NELL1: variants seen among roughly 807,000 people sequenced by gnomAD.
The protein encoded by NELL1 is protein kinase C-binding protein NELL1.
A neutral mutation model predicts 107.4 loss-of-function variants in NELL1; 76 were observed. That is an observed-to-expected ratio of 0.71 (90% CI 0.59 to 0.86). The LOEUF (loss-of-function observed/expected upper bound fraction) is 0.86. Among genes scored for constraint, NELL1 ranks in the 40% least tolerant of loss-of-function variants. The pLI is 0.00. For missense variants in NELL1, 1,024 were observed against 1,005.5 expected (o/e 1.02, Z -0.25); for synonymous variants, 353 against 341.2 (o/e 1.03, Z -0.38).
chr11:21,445,364 C>T (rs1168436948), intron 15 of NELL1, among the ~76,000 whole-genome samples: 2 of 132,290 alleles, frequency 1.5e-5, no homozygotes, highest in African/African-American at 2.5e-5. Flanking sequence ...TTCGCTCTTG[C>T]TGCCCAGGCT....
At chr11:21,062,318 C>T (rs1391458837) in intron 12 of NELL1, among the ~76,000 whole-genome samples, 1 of 152,090 alleles carries the variant, frequency 6.6e-6, no homozygotes, top group Non-Finnish European at 1.5e-5. Flanking sequence ...ACGGTGATTA[C>T]TGAAAAACTT....
At chr11:20,677,229 A>G (rs764039412) in intron 1 of NELL1, among the ~76,000 whole-genome samples, 6 of 152,192 alleles carry the variant, frequency 3.9e-5, no homozygotes, top group Non-Finnish European at 8.8e-5. Context: ...CAACAGGGAC[A>G]GGGTCCTTTT....
At chr11:21,560,511 T>A in intron 17 of NELL1, 129 bp downstream of exon 17, 1 of 759,746 alleles carries the variant, frequency 1.3e-6, no homozygotes, top group South Asian at 2.0e-5. Flanking sequence ...TGTTCTTATC[T>A]ACATTACAGC....
intron 14 of NELL1, among the ~76,000 whole-genome samples, chr11:21,355,993 C>T (rs942736850): frequency 6.6e-6 from 1 of 152,108 alleles, no homozygotes; most frequent in Non-Finnish European, 1.5e-5. Context: ...CTCTTTTCCC[C>T]TTTAGGTCTC....
At chr11:20,787,067 C>T (rs1355560347) in intron 3 of NELL1, among the ~76,000 whole-genome samples, 1 of 143,106 alleles carries the variant, frequency 7.0e-6, no homozygotes, top group Non-Finnish European at 1.5e-5. Flanking sequence ...GAGAGCCAAG[C>T]AGGCACCATG....
chr11:20,926,269 A>G (rs764318303), intron 7 of NELL1, among the ~76,000 whole-genome samples: 2 of 152,124 alleles, frequency 1.3e-5, no homozygotes, highest in Non-Finnish European at 2.9e-5. Flanking sequence ...ATATTTTTGA[A>G]GGTAAACTGG....
chr11:21,244,339 G>T (rs1268489196), intron 14 of NELL1, among the ~76,000 whole-genome samples: 2 of 152,020 alleles, frequency 1.3e-5, no homozygotes, highest in African/African-American at 4.8e-5. Context: ...ATGCTCTGCA[G>T]GCTCTCTTAC....
chr11:21,535,529 C>A (rs1856114608), intron 16 of NELL1, among the ~76,000 whole-genome samples: 1 of 152,110 alleles, frequency 6.6e-6, no homozygotes, highest in African/African-American at 2.4e-5. Context: ...GAACAATGGC[C>A]ACGTGGCATG....
intron 12 of NELL1, among the ~76,000 whole-genome samples, chr11:21,101,683 G>A (rs1439923867): frequency 6.6e-6 from 1 of 152,096 alleles, no homozygotes; most frequent in Non-Finnish European, 1.5e-5. Flanking sequence ...TTTTGATGGG[G>A]TTGTTTGTTT....
At chr11:21,423,981 G>C (rs1251781406) in intron 15 of NELL1, among the ~76,000 whole-genome samples, 2 of 152,162 alleles carry the variant, frequency 1.3e-5, no homozygotes, top group African/African-American at 4.8e-5. Flanking sequence ...AAAGCTAGGG[G>C]GAAAATTTAG....
chr11:21,473,882 G>A (rs541871035), intron 15 of NELL1, among the ~76,000 whole-genome samples: 1 of 151,922 alleles, frequency 6.6e-6, no homozygotes, highest in African/African-American at 2.4e-5. Flanking sequence ...AAGTCTTTAG[G>A]TTCCAACAGA....
chr11:21,504,193 G>A (rs553395133), intron 15 of NELL1: 10 of 152,292 alleles, frequency 6.6e-5, no homozygotes, highest in South Asian at 2.1e-4. Context: ...TAAATATTCC[G>A]ACAGAATAAT....
At chr11:21,444,173 G>A (rs1853360981) in intron 15 of NELL1, among the ~76,000 whole-genome samples, 1 of 152,114 alleles carries the variant, frequency 6.6e-6, no homozygotes, top group African/African-American at 2.4e-5. Context: ...TATTATGAAT[G>A]TATATTTTAG....
chr11:20,855,850 G>T (rs1207871232), intron 4 of NELL1, among the ~76,000 whole-genome samples: 2 of 152,130 alleles, frequency 1.3e-5, no homozygotes, highest in African/African-American at 4.8e-5. Context: ...AAATGCATGA[G>T]CCATGAGGAC....
chr11:21,022,734 C>T (rs898031351), intron 12 of NELL1, among the ~76,000 whole-genome samples: 2 of 152,048 alleles, frequency 1.3e-5, no homozygotes, highest in African/African-American at 4.8e-5. Flanking sequence ...CAACATGCCT[C>T]CTATATTTCT....
intron 4 of NELL1, among the ~76,000 whole-genome samples, chr11:20,868,018 C>T (rs1303896887): frequency 1.3e-5 from 2 of 152,034 alleles, no homozygotes; most frequent in African/African-American, 2.4e-5. Context: ...CGAAAAGGAC[C>T]GAATAATATT....
intron 3 of NELL1, among the ~76,000 whole-genome samples, chr11:20,815,291 G>A (rs1276171296): frequency 6.6e-6 from 1 of 151,976 alleles, no homozygotes; most frequent in Non-Finnish European, 1.5e-5. Context: ...ATTTGATGTT[G>A]GTCAGGCTGG....
chr11:21,160,998 T>TATACAC (rs1491460241), intron 13 of NELL1, among the ~76,000 whole-genome samples: 2 of 96,948 alleles, frequency 2.1e-5, no homozygotes, highest in African/African-American at 7.5e-5. Context: ...TGCTAGCCTT[T>TATACAC]ATACACACAC....
At chr11:20,955,397 A>C (rs567177656) in intron 11 of NELL1, among the ~76,000 whole-genome samples, 1 of 152,206 alleles carries the variant, frequency 6.6e-6, no homozygotes, top group Admixed American at 6.5e-5. Flanking sequence ...AGGTTTTGCT[A>C]TCTGAGAGGA....
Sources: gnomAD v4.1 joint callset for allele counts (sites outside exome capture counted in the v4.1 genomes callset) on GRCh38, gnomAD v4.1.1 for gene constraint, MANE v1.5 for transcripts, NCBI Gene and HGNC (gene_info 2026-07-23, HGNC 2026-07-21) for gene names.